The following RAB11FIP5 variants were observed in gnomAD, a reference collection of about 807,000 sequenced individuals.
The protein encoded by RAB11FIP5 is rab11 family-interacting protein 5.
In RAB11FIP5, 48 loss-of-function variants were observed where a neutral mutation model predicts 85.1. The observed-to-expected ratio is 0.56, with a 90% confidence interval of 0.45 to 0.72. The LOEUF is 0.72. Ranked by LOEUF, RAB11FIP5 falls within the 30% of genes least tolerant of loss-of-function variation. The pLI is 0.00. For missense variants in RAB11FIP5, 1,491 were observed against 1,687.0 expected (o/e 0.88, Z 2.04); for synonymous variants, 729 against 727.3 (o/e 1.00, Z -0.04).
rs747185882 is a variant in RAB11FIP5 at position 73,112,510 on chromosome 2, C to T, written c.268G>A (p.Glu90Lys). Reference sequence around the variant, plus strand: ...CAGGGCGCCGGGCCCGCGTCGGCCTCCTGCGCCCGCAGCAGGCCATCCAGG... The same window carrying T: ...CAGGGCGCCGGGCCCGCGTCGGCCTTCTGCGCCCGCAGCAGGCCATCCAGG... The part of the protein sequence containing the change: ...GALDGLLRAQ[E>K]ADAGPAPWAA... Residue 90 changes from glutamate to lysine, a missense_variant, in exon 1 of 6, where the codon GAG becomes AAG. Physicochemically the swap from Glu to Lys is moderately conservative, Grantham distance 56. Around this residue, in one of 3 missense-constraint regions of RAB11FIP5, gnomAD observed 1,211 missense variants for 1,338.0 expected, o/e 0.91. Transcript: ENST00000486777. The T allele has an allele frequency of 1.0e-5, 15 of 1,505,358 alleles. No individual in the cohort carries two copies. The Middle Eastern group carries it at 5.2e-4, about 52-fold the overall frequency. The allele number at this position is 1,505,358 out of a possible 1,614,324, so 93.3% of individuals were successfully genotyped here. A position where few individuals can be genotyped will look rare whatever the true frequency, so the allele number is the denominator to read the frequency against.
At chr2:73,110,635 G>A (rs1263976767) in intron 1 of RAB11FIP5, among the ~76,000 whole-genome samples, 4 of 152,216 alleles carry the variant, frequency 2.6e-5, no homozygotes, top group Non-Finnish European at 5.9e-5. Context: ...AAGACAGGCT[G>A]TTCTTGGCTG....
Position 73,088,565 on chromosome 2 carries a change from A to G in RAB11FIP5, c.1053T>C (p.Pro351=), listed in dbSNP as rs1349418584. 2 of 1,613,898 alleles carry G rather than the reference A, an allele frequency of 1.2e-6. No individual in the cohort carries two copies. The highest frequency in any genetic ancestry group is 2.2e-5 in the East Asian group (1 of 44,878). The change falls in exon 3 of 6, where the codon CCT becomes CCC. Residue 351 remains proline (P), a synonymous_variant. Coordinates refer to ENST00000486777, the MANE Select transcript of RAB11FIP5 (RefSeq NM_001371272.1). The part of the protein sequence containing the change: ...SHIYNEEPQG[P]VRHRSSISGS... ...CCGAGATGGAGCTGCGGTGCCGCACAGGGCCCTGGGGCTCCTCATTGTAAA... is the reference window on the plus strand; with the variant it reads ...CCGAGATGGAGCTGCGGTGCCGCACGGGGCCCTGGGGCTCCTCATTGTAAA...
intron 3 of RAB11FIP5, among the ~76,000 whole-genome samples, chr2:73,087,638 AGTCTGAGAG>A (rs1263837286): frequency 1.3e-5 from 2 of 152,172 alleles, no homozygotes; most frequent in African/African-American, 2.4e-5. Context: ...GGGGAAGGGA[AGTCTGAGAG>A]TGCGGTCTCC....
At chr2:73,098,243 T>C (rs1415772104) in intron 1 of RAB11FIP5, among the ~76,000 whole-genome samples, 8 of 152,128 alleles carry the variant, frequency 5.3e-5, no homozygotes, top group Non-Finnish European at 1.2e-4. Context: ...AAATCTGAAA[T>C]CTGAAATGCT....
chr2:73,103,232 C>A (rs145220809), intron 1 of RAB11FIP5, among the ~76,000 whole-genome samples: 1 of 152,320 alleles, frequency 6.6e-6, no homozygotes, highest in Non-Finnish European at 1.5e-5. Context: ...CCTCTGGCAC[C>A]ATGCCTGGCA....
At chr2:73,103,970 G>A (rs55633543) in intron 1 of RAB11FIP5, among the ~76,000 whole-genome samples, 9,041 of 152,224 alleles carry the variant, frequency 0.059, 321 homozygotes, top group East Asian at 0.14. Context: ...ACCAAGTGGC[G>A]ATGGTCCCCT....
chr2:73,105,247 TA>T (rs1313667588), intron 1 of RAB11FIP5, among the ~76,000 whole-genome samples: 1 of 151,954 alleles, frequency 6.6e-6, no homozygotes, highest in African/African-American at 2.4e-5. Flanking sequence ...CTCCTTTTTT[TA>T]TTTTTATTTT....
At chr2:73,105,104 G>A (rs548155741) in intron 1 of RAB11FIP5, among the ~76,000 whole-genome samples, 1 of 152,342 alleles carries the variant, frequency 6.6e-6, no homozygotes, top group Admixed American at 6.5e-5. Context: ...AAACCAGCAT[G>A]TGACGTCTTG....
chr2:73,076,317 G>C lies in RAB11FIP5; in HGVS notation c.3582-135C>G, dbSNP rs1683861010. 3 of 881,930 alleles carry C rather than the reference G, an allele frequency of 3.4e-6. No homozygotes were observed. In the East Asian group the frequency reaches 7.4e-5, roughly 22 times the overall value. The allele number at this position is 881,930 out of a possible 1,614,324, so 54.6% of individuals were successfully genotyped here. A position where few individuals can be genotyped will look rare whatever the true frequency, so the allele number is the denominator to read the frequency against. ...ACTGGGTGGTAGCTGCCCCTACAGA[G>C]TCAAGGTTTCAGGGCAGCGGTGTCC... is the stretch of plus-strand genomic sequence containing the variant. On this transcript the variant is annotated intron_variant, in intron 4 of 5. Coordinates refer to ENST00000486777, the MANE Select transcript of RAB11FIP5 (RefSeq NM_001371272.1).
chr2:73,075,487 C>T lies in RAB11FIP5; in HGVS notation c.*34G>A. On this transcript the variant is annotated 3_prime_UTR_variant, in exon 6 of 6. Transcript: ENST00000486777. This position sits in a 1 kb window ranked among gnomAD's most constrained non-coding sequence, Gnocchi z 4.6. Reference sequence around the variant, plus strand: ...GAGAGAGGGCAGGCAGCAATAGGTCCATGCCAACCCTCCTGGGGGTAGGGT... The same window carrying T: ...GAGAGAGGGCAGGCAGCAATAGGTCTATGCCAACCCTCCTGGGGGTAGGGT... The T allele has an allele frequency of 6.2e-7, 1 of 1,600,306 alleles. No homozygotes were observed. The highest frequency in any genetic ancestry group is 8.6e-7 in the Non-Finnish European group (1 of 1,167,410).
chr2:73,085,851 A>G (rs1052800161), intron 3 of RAB11FIP5, among the ~76,000 whole-genome samples: 2 of 152,056 alleles, frequency 1.3e-5, no homozygotes, highest in Non-Finnish European at 2.9e-5. Flanking sequence ...ACATCCCACA[A>G]TCTGCAATGG....
In RAB11FIP5 at chr2:73,088,440, C is replaced by T; in HGVS notation, c.1178G>A (p.Ser393Asn). 3 of 1,613,890 alleles carry T rather than the reference C, an allele frequency of 1.9e-6. No individual in the cohort carries two copies. The highest frequency in any genetic ancestry group is 2.5e-6 in the Non-Finnish European group (3 of 1,180,022). Reference protein sequence around the residue: ...TDDTWPRGSRSNSSSEAVLGQ... With the variant: ...TDDTWPRGSRNNSSSEAVLGQ... ...AAGCACTGCCTCTGAGCTGCTGTTG[C>T]TACGACTGCCTCTGGGCCAGGTGTC... is the stretch of plus-strand genomic sequence containing the variant. The change falls in exon 3 of 6, where the codon AGC (serine) becomes AAC (asparagine). Residue 393 changes from serine (S) to asparagine (N), a missense_variant. This residue lies in a region of RAB11FIP5 where 1,211 missense variants were observed against 1,338.0 expected (regional missense o/e 0.91). Coordinates refer to ENST00000486777, the MANE Select transcript of RAB11FIP5 (RefSeq NM_001371272.1).
chr2:73,075,236 A>C lies in RAB11FIP5; in HGVS notation c.*285T>G. On this transcript the variant is annotated 3_prime_UTR_variant, in exon 6 of 6. Transcript: ENST00000486777. This position sits in a 1 kb window ranked among gnomAD's most constrained non-coding sequence, Gnocchi z 4.6. ...TTCACCCCTGCTCTGTCTTGGGGGA[A>C]GAGTTCCAATTCCCTGGGGCCCCCA... 1.5e-6 allele frequency: 1 copy of C among 676,748 alleles called. No individual in the cohort carries two copies. The highest frequency in any genetic ancestry group is 2.7e-6 in the Non-Finnish European group (1 of 368,710). 41.9% of individuals were successfully genotyped at this position (676,748 alleles called of 1,614,324 possible).
chr2:73,109,595 G>C (rs373167988), intron 1 of RAB11FIP5, among the ~76,000 whole-genome samples: 2 of 152,314 alleles, frequency 1.3e-5, no homozygotes, highest in East Asian at 3.9e-4. Flanking sequence ...CTCCAGGCAG[G>C]GCTGCCAGGG....
intron 1 of RAB11FIP5, among the ~76,000 whole-genome samples, chr2:73,105,827 G>A (rs889700655): frequency 6.6e-6 from 1 of 152,072 alleles, no homozygotes; most frequent in Non-Finnish European, 1.5e-5. Context: ...AGACTGAGGT[G>A]GGCAGTGTGG....
At position 73,112,715 on chromosome 2, in the gene RAB11FIP5, G is replaced by T; in HGVS notation, c.63C>A (p.Val21=). The T allele has an allele frequency of 6.5e-7, 1 of 1,547,554 alleles. No individual in the cohort carries two copies. The highest frequency in any genetic ancestry group is 8.7e-7 in the Non-Finnish European group (1 of 1,148,436). The part of the protein sequence containing the change: ...AGPSRWLPTH[V]QVTVLRARGL... ...CGCGGGCCCGCAGCACCGTCACCTG[G>T]ACGTGCGTGGGCAGCCAGCGGGAAG... The change falls in exon 1 of 6, where the codon GTC becomes GTA. Residue 21 remains valine (V), a synonymous_variant. Transcript: ENST00000486777.
In RAB11FIP5 at chr2:73,089,536, T is replaced by C; in HGVS notation, c.432-221A>G. On this transcript the variant is annotated intron_variant, in intron 1 of 5. Coordinates refer to ENST00000486777, the MANE Select transcript of RAB11FIP5 (RefSeq NM_001371272.1). This position sits in a 1 kb window ranked among gnomAD's most constrained non-coding sequence, Gnocchi z 4.6. ...ATGATGGAGAAAACCACATCCTGAGTGGGGAAGCTCCTCGGGTGCCACCAG... is the reference window on the plus strand; with the variant it reads ...ATGATGGAGAAAACCACATCCTGAGCGGGGAAGCTCCTCGGGTGCCACCAG... 3.2e-6 allele frequency: 2 copies of C among 632,138 alleles called. No individual in the cohort carries two copies. Among genetic ancestry groups the C allele is most frequent in the African/African-American group, 1.8e-5 (1 of 54,994 alleles). The allele number at this position is 632,138 out of a possible 1,614,324, so 39.2% of individuals were successfully genotyped here.
At chr2:73,101,617 G>C (rs1343998028) in intron 1 of RAB11FIP5, among the ~76,000 whole-genome samples, 1 of 152,164 alleles carries the variant, frequency 6.6e-6, no homozygotes, top group African/African-American at 2.4e-5. Flanking sequence ...GCGGAGGTCA[G>C]AGCGTGTCTT....
intron 1 of RAB11FIP5, among the ~76,000 whole-genome samples, chr2:73,101,006 A>G (rs1443132896): frequency 7.3e-6 from 1 of 136,770 alleles, no homozygotes; most frequent in Non-Finnish European, 1.5e-5. Flanking sequence ...TCATCAATGG[A>G]TATTAAAACC....
Sources: allele counts gnomAD v4.1 joint callset (sites outside exome capture counted in the v4.1 genomes callset), GRCh38; gene constraint gnomAD v4.1.1; regional missense constraint gnomAD v4.1.1; non-coding constraint Gnocchi (gnomAD v3.1); transcripts MANE v1.5; gene names NCBI Gene and HGNC (gene_info 2026-07-23, HGNC 2026-07-21).